Variants in RASL10B observed in about 807,000 individuals in gnomAD.
RASL10B encodes the protein ras-like protein family member 10B.
A neutral mutation model predicts 20.7 loss-of-function variants in RASL10B; 10 were observed. The observed-to-expected ratio is 0.48, with a 90% CI of 0.30 to 0.82. The LOEUF (loss-of-function observed/expected upper bound fraction) is 0.82. RASL10B is among the 40% of genes least tolerant of loss of function. The probability of loss-of-function intolerance (pLI) is 0.07; values close to 1 mark genes in which losing one functional copy is unlikely to be tolerated. For missense variants in RASL10B, 231 were observed against 295.4 expected, an observed-to-expected ratio of 0.78 and a Z score of 1.60; for synonymous variants, 110 against 123.3, an observed-to-expected ratio of 0.89 and a Z score of 0.72.
In RASL10B at chr17:35,740,619, C is replaced by A. The variant is rs369930627; in HGVS notation, c.341+86C>A. ...CTGTGAAAAGGGCACAGTATAGGGA[C>A]ACAGATAGAGGTATATGTGTTCTAA... On this transcript the variant is annotated intron_variant, in intron 3 of 3. Coordinates refer to ENST00000603017, the MANE Select transcript of RASL10B (RefSeq NM_033315.4). The A allele has an allele frequency of 8.5e-4, 1,249 of 1,467,524 alleles. 21 individuals carry two copies. In the South Asian group the frequency reaches 0.014, roughly 17 times the overall value. The allele number at this position is 1,467,524 out of a possible 1,614,324, so 90.9% of individuals were successfully genotyped here. A position where few individuals can be genotyped will look rare whatever the true frequency, so the allele number is the denominator to read the frequency against.
chr17:35,736,375 G>T (rs1555597209), intron 2 of RASL10B, among the ~76,000 whole-genome samples: 1 of 152,202 alleles, frequency 6.6e-6, no homozygotes, highest in Non-Finnish European at 1.5e-5. Context: ...AGTCTCTCAG[G>T]CTGAGACCCT....
intron 2 of RASL10B, 110 bp from the exon 3 acceptor site, chr17:35,740,299 C>T (rs2085621462): frequency 2.1e-6 from 3 of 1,422,236 alleles, no homozygotes; most frequent in Non-Finnish European, 9.6e-7. Context: ...GTATGGAAGG[C>T]TTCAGGTGCA....
At chr17:35,738,296 G>T (rs2085607580) in intron 2 of RASL10B, among the ~76,000 whole-genome samples, 1 of 152,132 alleles carries the variant, frequency 6.6e-6, no homozygotes, top group Non-Finnish European at 1.5e-5. Context: ...CACTCCTGGA[G>T]CCCAGTAAGG....
intron 1 of RASL10B, among the ~76,000 whole-genome samples, chr17:35,733,933 C>A (rs2085574418): frequency 6.6e-6 from 1 of 152,220 alleles, no homozygotes; most frequent in Non-Finnish European, 1.5e-5. Flanking sequence ...TGTGCCAGGC[C>A]CTCTGGGCTC....
At chr17:35,740,053 C>A (rs2085619701) in intron 2 of RASL10B, among the ~76,000 whole-genome samples, 1 of 152,206 alleles carries the variant, frequency 6.6e-6, no homozygotes, top group Non-Finnish European at 1.5e-5. Flanking sequence ...ACAGGTCCAA[C>A]ACCCAGCTCA....
At position 35,741,071 on chromosome 17, in the gene RASL10B, G is replaced by A. The variant is rs781993857; in HGVS notation, c.378G>A (p.Val126=). 1 of 1,609,426 alleles carries A rather than the reference G, an allele frequency of 6.2e-7. No individual in the cohort carries two copies. The highest frequency in any genetic ancestry group is 8.5e-7 in the Non-Finnish European group (1 of 1,176,732). ...CCTCAGAGACGCCCATCATCATCGT[G>A]GGCAACAAGCGGGACCTGCAGCGCG... The part of the protein sequence containing the change: ...IGTSETPIII[V]GNKRDLQRGR... Residue 126 remains valine (V), a synonymous_variant, in exon 4 of 4, where the codon GTG becomes GTA. Transcript: ENST00000603017.
At chr17:35,734,476 A>T (rs2085577413) in intron 1 of RASL10B, among the ~76,000 whole-genome samples, 1 of 152,196 alleles carries the variant, frequency 6.6e-6, no homozygotes, top group South Asian at 2.1e-4. Context: ...CGACGTGGTC[A>T]TCTAGTGCAG....
In RASL10B at chr17:35,740,469, G is replaced by C. The variant is rs371471703; in HGVS notation, c.277G>C (p.Asp93His). The C allele has an allele frequency of 1.2e-6, 2 of 1,613,932 alleles. No homozygotes were observed. Among genetic ancestry groups the C allele is most frequent in the Non-Finnish European group, 1.7e-6 (2 of 1,179,998 alleles). Residue 93 changes from aspartate (D) to histidine (H), a missense_variant, in exon 3 of 4, where the codon GAC (aspartate) becomes CAC (histidine). Asp to His is a moderately conservative substitution (Grantham distance 81). Transcript: ENST00000603017. ...TGTCCACGCCTACATCCTGGTCTACGACATCTGCTGCTTTGACAGCTTTGA... is the reference window on the plus strand; with the variant it reads ...TGTCCACGCCTACATCCTGGTCTACCACATCTGCTGCTTTGACAGCTTTGA... The part of the protein sequence containing the change: ...RSVHAYILVY[D>H]ICCFDSFEYV...
In RASL10B at chr17:35,741,104, G is replaced by A. The variant is rs1269722942; in HGVS notation, c.411G>A (p.Val137=). ...AGCGGGACCTGCAGCGCGGACGCGT[G>A]ATCCCGCGCTGGAACGTGTCGCACC... The part of the protein sequence containing the change: ...GNKRDLQRGR[V]IPRWNVSHLV... Residue 137 remains valine (V), a synonymous_variant, in exon 4 of 4, where the codon GTG becomes GTA. Transcript: ENST00000603017. 6.2e-7 allele frequency: 1 copy of A among 1,613,272 alleles called. No individual in the cohort carries two copies. The highest frequency in any genetic ancestry group is 2.2e-5 in the East Asian group (1 of 44,900).
chr17:35,734,517 G>A (rs1555596801), intron 1 of RASL10B, among the ~76,000 whole-genome samples: 1 of 152,166 alleles, frequency 6.6e-6, no homozygotes, highest in Non-Finnish European at 1.5e-5. Context: ...TGGAAATGGG[G>A]GCAGGGGGAG....
chr17:35,740,641 C>T lies in RASL10B; in HGVS notation c.341+108C>T, dbSNP rs1051971068. Reference sequence around the variant, plus strand: ...GGACACAGATAGAGGTATATGTGTTCTAAGATTTCCACACATACACTCAAA... The same window carrying T: ...GGACACAGATAGAGGTATATGTGTTTTAAGATTTCCACACATACACTCAAA... On this transcript the variant is annotated intron_variant, in intron 3 of 3. Transcript: ENST00000603017. The T allele has an allele frequency of 5.3e-6, 7 of 1,314,586 alleles. No homozygotes were observed. The African/African-American group carries it at 8.7e-5, about 16-fold the overall frequency. The allele number at this position is 1,314,586 out of a possible 1,614,324, so 81.4% of individuals were successfully genotyped here.
intron 2 of RASL10B, among the ~76,000 whole-genome samples, chr17:35,739,165 A>G (rs1317730022): frequency 6.6e-6 from 1 of 152,206 alleles, no homozygotes; most frequent in African/African-American, 2.4e-5. Context: ...GCTGTTCTGA[A>G]GTTGGACTTA....
At chr17:35,732,336 G>A (rs2085563528) in intron 1 of RASL10B, among the ~76,000 whole-genome samples, 1 of 152,218 alleles carries the variant, frequency 6.6e-6, no homozygotes, top group South Asian at 2.1e-4. Context: ...TGTGTCTCTG[G>A]TCTCTTGCCT....
chr17:35,738,269 T>C (rs1555597465), intron 2 of RASL10B, among the ~76,000 whole-genome samples: 1 of 152,136 alleles, frequency 6.6e-6, no homozygotes, highest in African/African-American at 2.4e-5. Flanking sequence ...TTTTGGACTC[T>C]AAGATATCCA....
chr17:35,735,763 C>A lies in RASL10B; in HGVS notation c.216+363C>A, dbSNP rs1205974868. ...TTGGAGGAGCAGGGAGCTGGGGCAG[C>A]CCTTAAGGGGGCATCTAGGCCATCC... On this transcript the variant is annotated intron_variant, in intron 2 of 3. Transcript: ENST00000603017. This position sits in a 1 kb window ranked among gnomAD's most constrained non-coding sequence, Gnocchi z 6.7. 6.6e-6 allele frequency among the ~76,000 whole-genome samples: 1 copy of A among 152,162 alleles called. No homozygotes were observed. Among genetic ancestry groups the A allele is most frequent in the Non-Finnish European group, 1.5e-5 (1 of 68,024 alleles).
In RASL10B at chr17:35,741,866, G is replaced by C. The variant is rs1328730025; in HGVS notation, c.*561G>C. 1 of 152,870 alleles carries C rather than the reference G, an allele frequency of 6.5e-6. No individual in the cohort carries two copies. Among genetic ancestry groups the C allele is most frequent in the Non-Finnish European group, 1.5e-5 (1 of 68,316 alleles). 9.5% of individuals were successfully genotyped at this position (152,870 alleles called of 1,614,324 possible). ...CTGTCAGCACCACCGGCACAGGGCA[G>C]AGATGCGGGTGGCCCAAGGACCACG... is the stretch of plus-strand genomic sequence containing the variant. On this transcript the variant is annotated 3_prime_UTR_variant, in exon 4 of 4. Coordinates refer to ENST00000603017, the MANE Select transcript of RASL10B (RefSeq NM_033315.4).
chr17:35,734,991 C>T (rs371640514), intron 1 of RASL10B, 47 bp from the exon 2 acceptor site: 5 of 606,690 alleles, frequency 8.2e-6, no homozygotes, highest in African/African-American at 5.5e-5. Context: ...GTGCAGGACA[C>T]GTCCAGGGAT....
chr17:35,732,319 C>T (rs1217998951), intron 1 of RASL10B, among the ~76,000 whole-genome samples: 2 of 152,192 alleles, frequency 1.3e-5, no homozygotes, highest in Non-Finnish European at 2.9e-5. Flanking sequence ...AGGCTTCGCC[C>T]CCTGTGTGTG....
intron 1 of RASL10B, among the ~76,000 whole-genome samples, chr17:35,734,522 G>A (rs146819136): frequency 1.3e-3 from 201 of 152,292 alleles, no homozygotes; most frequent in Non-Finnish European, 2.3e-3. Context: ...ATGGGGGCAG[G>A]GGGAGTTTTT....
Sources: allele counts gnomAD v4.1 joint callset (sites outside exome capture counted in the v4.1 genomes callset), GRCh38; gene constraint gnomAD v4.1.1; non-coding constraint Gnocchi (gnomAD v3.1); transcripts MANE v1.5; gene names NCBI Gene and HGNC (gene_info 2026-07-23, HGNC 2026-07-21).